PCDHA8: variants seen among roughly 807,000 people sequenced by gnomAD.
The protein encoded by PCDHA8 is protocadherin alpha 8, also known as protocadherin alpha-8.
In PCDHA8, 53 loss-of-function variants were observed where a neutral mutation model predicts 61.8. The observed-to-expected ratio is 0.86, with a 90% CI of 0.69 to 1.08. PCDHA8 has a LOEUF of 1.08. Among genes scored for constraint, PCDHA8 ranks in the 50% least tolerant of loss-of-function variants. The probability of loss-of-function intolerance (pLI) is 0.00; values close to 1 mark genes in which losing one functional copy is unlikely to be tolerated. For synonymous variants in PCDHA8, 618 were observed against 556.6 expected, an observed-to-expected ratio of 1.11 and a Z score of -1.55; for missense variants, 1,293 against 1,245.0, an observed-to-expected ratio of 1.04 and a Z score of -0.58.
chr5:140,852,204 A>G lies in PCDHA8; in HGVS notation c.2394+8489A>G, dbSNP rs2150513408. On this transcript the variant is annotated intron_variant, in intron 1 of 3. Transcript: ENST00000531613. The stretch of plus-strand genomic sequence containing the variant: ...ATGAAAATGCCAGTAACGTTTATTT[A>G]AAACAAAATATTTTAATTTTTAAAT... The G allele has an allele frequency of 7.5e-6, 5 of 666,504 alleles. No homozygotes were observed. The African/African-American group carries it at 9.8e-5, about 13-fold the overall frequency. 41.3% of individuals were successfully genotyped at this position (666,504 alleles called of 1,614,324 possible).
intron 1 of PCDHA8, chr5:140,877,085 G>T: frequency 6.2e-7 from 1 of 1,613,214 alleles, no homozygotes; most frequent in Non-Finnish European, 8.5e-7. Context: ...GTGAGCGCGC[G>T]CGACGCCGGC....
intron 1 of PCDHA8, chr5:140,966,610 C>A: frequency 1.4e-6 from 1 of 715,490 alleles, no homozygotes; most frequent in Non-Finnish European, 2.1e-6. Context: ...CTTGGGAGGG[C>A]CTACGGAGGG....
intron 1 of PCDHA8, chr5:140,967,668 C>T (rs1554229751): frequency 1.2e-6 from 2 of 1,614,108 alleles, no homozygotes; most frequent in Non-Finnish European, 8.5e-7. Flanking sequence ...AGCTACACGT[C>T]GGACCGGGAG....
At chr5:140,965,490 C>G (rs115003344) in intron 1 of PCDHA8, among the ~76,000 whole-genome samples, 2,488 of 148,960 alleles carry the variant, frequency 0.017, 68 homozygotes, top group African/African-American at 0.057. Context: ...TGCTTAATGA[C>G]AGCAGATTTT....
chr5:140,954,161 C>G (rs2094990748), intron 1 of PCDHA8, among the ~76,000 whole-genome samples: 1 of 152,200 alleles, frequency 6.6e-6, no homozygotes, highest in African/African-American at 2.4e-5. Context: ...ATATGTACCA[C>G]ATTTTCTTTA....
Position 140,842,506 on chromosome 5 carries a change from C to T in PCDHA8, c.1185C>T (p.Phe395=). 6.2e-7 allele frequency: 1 copy of T among 1,613,804 alleles called. No individual in the cohort carries two copies. Among genetic ancestry groups the T allele is most frequent in the South Asian group, 1.1e-5 (1 of 91,082 alleles). The change falls in exon 1 of 4, where the codon TTC becomes TTT. Residue 395 remains phenylalanine, a synonymous_variant. Coordinates refer to ENST00000531613, the MANE Select transcript of PCDHA8 (RefSeq NM_018911.3). ...GCTCCCTGATGCCCCATGTCCCCTT[C>T]AAGCTGGTGTCCACCTTCAAGAATT... ...VTCSLMPHVP[F]KLVSTFKNYY...
intron 1 of PCDHA8, among the ~76,000 whole-genome samples, chr5:140,974,018 T>C (rs2096611642): frequency 1.3e-5 from 2 of 152,222 alleles, no homozygotes; most frequent in Non-Finnish European, 1.5e-5. Context: ...CATGTGATAA[T>C]ACAACTATAA....
intron 1 of PCDHA8, chr5:140,860,619 CAT>C: frequency 6.6e-6 from 1 of 152,266 alleles, no homozygotes; most frequent in African/African-American, 2.4e-5. Context: ...GAAACATAAA[CAT>C]ATGCAGGAAT....
In PCDHA8 at chr5:140,869,461, A is replaced by G. The variant is rs372195509; in HGVS notation, c.2394+25746A>G. ...CAGGCCGCTGCAGGTTTTCCATGTG[A>G]ACGTGGAGGTGAAGGACATTAACGA... On this transcript the variant is annotated intron_variant, in intron 1 of 3. Transcript: ENST00000531613. 5.8e-5 allele frequency: 94 copies of G among 1,614,148 alleles called. No homozygotes were observed. In the African/African-American group the frequency reaches 7.9e-4, roughly 13 times the overall value.
At chr5:140,984,631 T>C (rs1400847452) in intron 3 of PCDHA8, among the ~76,000 whole-genome samples, 1 of 152,192 alleles carries the variant, frequency 6.6e-6, no homozygotes, top group Non-Finnish European at 1.5e-5. Flanking sequence ...TTAAAGGGAT[T>C]CTCTGCCTTC....
chr5:140,908,494 C>A (rs559456993), intron 1 of PCDHA8, among the ~76,000 whole-genome samples: 1 of 152,310 alleles, frequency 6.6e-6, no homozygotes, highest in East Asian at 1.9e-4. Flanking sequence ...GTTCAGGTTG[C>A]TTGGTGACTT....
intron 1 of PCDHA8, chr5:140,862,574 C>G (rs1338632403): frequency 4.1e-6 from 2 of 484,868 alleles, no homozygotes; most frequent in East Asian, 1.1e-4. Context: ...AATGCCCTGG[C>G]GTTCCAGCAG....
intron 3 of PCDHA8, among the ~76,000 whole-genome samples, chr5:141,004,872 C>T (rs1242067093): frequency 6.6e-6 from 1 of 152,042 alleles, no homozygotes; most frequent in Non-Finnish European, 1.5e-5. Context: ...GTTTCTCATC[C>T]CTAAAGTGCT....
chr5:140,869,302 G>A, intron 1 of PCDHA8: 5 of 1,613,642 alleles, frequency 3.1e-6, no homozygotes, highest in Non-Finnish European at 4.2e-6. Flanking sequence ...GTTCCGGGTG[G>A]CGTCCAAAAC....
At position 140,979,482 on chromosome 5, in the gene PCDHA8, C is replaced by A. The variant is rs568650143; in HGVS notation, c.2453+475C>A. On this transcript the variant is annotated intron_variant, in intron 2 of 3. Coordinates refer to ENST00000531613, the MANE Select transcript of PCDHA8 (RefSeq NM_018911.3). Reference sequence around the variant, plus strand: ...ATTGATTGCTATTGTTGTTTGTGTTCACACCTATTAGAGCCTCCTCATCTT... The same window carrying A: ...ATTGATTGCTATTGTTGTTTGTGTTAACACCTATTAGAGCCTCCTCATCTT... Among the ~76,000 whole-genome samples, 6 of 152,068 alleles carry A rather than the reference C, an allele frequency of 3.9e-5. No homozygotes were observed. In the South Asian group the frequency reaches 1.0e-3, roughly 26 times the overall value.
chr5:140,997,409 A>G (rs1378198322), intron 3 of PCDHA8, among the ~76,000 whole-genome samples: 2 of 152,180 alleles, frequency 1.3e-5, no homozygotes, highest in Non-Finnish European at 1.5e-5. Flanking sequence ...CGTATGGCCT[A>G]TTTCTCCTAG....
chr5:140,870,655 G>A (rs1554164527), intron 1 of PCDHA8: 1 of 1,612,540 alleles, frequency 6.2e-7, no homozygotes, highest in Non-Finnish European at 8.5e-7. Context: ...CAAGGTGTAC[G>A]CGCTGCAGCC....
intron 1 of PCDHA8, chr5:140,882,874 A>G (rs376046205): frequency 1.9e-6 from 3 of 1,614,108 alleles, no homozygotes; most frequent in Non-Finnish European, 2.5e-6. Context: ...CACTGGACAG[A>G]GAGGAAATTC....
intron 1 of PCDHA8, among the ~76,000 whole-genome samples, chr5:140,845,118 T>C (rs1779705774): frequency 6.7e-6 from 1 of 149,786 alleles, no homozygotes; most frequent in Non-Finnish European, 1.5e-5. Flanking sequence ...TGTCCATGTT[T>C]AGCATTTTAT....
Sources: allele counts gnomAD v4.1 joint callset (sites outside exome capture counted in the v4.1 genomes callset), GRCh38; gene constraint gnomAD v4.1.1; transcripts MANE v1.5; gene names NCBI Gene and HGNC (gene_info 2026-07-23, HGNC 2026-07-21).